Variants in TTC28 observed in about 807,000 individuals in gnomAD.
TTC28 encodes tetratricopeptide repeat protein 28.
Under a neutral mutation model 198.0 loss-of-function variants are expected in TTC28, and 61 were observed. That is an observed-to-expected ratio of 0.31 (90% CI 0.25 to 0.38). The LOEUF is 0.38. Ranked by LOEUF, TTC28 falls within the 10% of genes least tolerant of loss-of-function variation. TTC28 has a pLI of 1.00. For synonymous variants in TTC28, 1,171 were observed against 1,297.8 expected (o/e 0.90, Z 2.10); for missense variants, 2,678 against 3,164.0 (o/e 0.85, Z 3.69).
At position 28,014,053 on chromosome 22, in the gene TTC28, C is replaced by A. The variant is rs145506023; in HGVS notation, c.4218+195G>T. Among the ~76,000 whole-genome samples, 896 of 152,302 alleles carry A rather than the reference C, an allele frequency of 5.9e-3. 3 individuals are homozygous for A. The highest frequency in any genetic ancestry group is 0.01 in the Middle Eastern group (3 of 294). On this transcript the variant is annotated intron_variant, in intron 14 of 22. Coordinates refer to ENST00000397906, the MANE Select transcript of TTC28 (RefSeq NM_001145418.2). Reference sequence around the variant, plus strand: ...GCTCAAGGCCTCATCCACTACCAACCAACCAACCAAGTCTGTGCTCCACCT... The same window carrying A: ...GCTCAAGGCCTCATCCACTACCAACAAACCAACCAAGTCTGTGCTCCACCT...
chr22:28,163,656 A>C, intron 5 of TTC28, 57 bp from the exon 6 acceptor site: 1 of 1,457,366 alleles, frequency 6.9e-7, no homozygotes, highest in Non-Finnish European at 9.0e-7. Context: ...GTTTTGGTAT[A>C]TTTTGGCAGA....
At chr22:28,018,428 T>C (rs1211134874) in intron 13 of TTC28, among the ~76,000 whole-genome samples, 1 of 152,204 alleles carries the variant, frequency 6.6e-6, no homozygotes, top group East Asian at 1.9e-4. Context: ...CAACCGTGAT[T>C]TGAGGTCAAA....
intron 5 of TTC28, among the ~76,000 whole-genome samples, chr22:28,242,585 C>G (rs969139928): frequency 1.3e-5 from 2 of 152,114 alleles, no homozygotes; most frequent in African/African-American, 2.4e-5. Flanking sequence ...TTACAGAACT[C>G]TAAGCCTTGA....
chr22:28,327,335 A>C (rs1377571267), intron 2 of TTC28, among the ~76,000 whole-genome samples: 2 of 152,138 alleles, frequency 1.3e-5, no homozygotes, highest in Non-Finnish European at 2.9e-5. Context: ...AATGACCCCC[A>C]AGTATAGTAC....
intron 12 of TTC28, among the ~76,000 whole-genome samples, chr22:28,086,337 C>T (rs1323235070): frequency 6.6e-6 from 1 of 152,132 alleles, no homozygotes; most frequent in East Asian, 1.9e-4. Flanking sequence ...TGCAATCAAA[C>T]TAGAACTCAG....
At chr22:28,066,440 TC>T (rs1569117256) in intron 12 of TTC28, among the ~76,000 whole-genome samples, 2 of 152,138 alleles carry the variant, frequency 1.3e-5, no homozygotes, top group African/African-American at 4.8e-5. Flanking sequence ...GACTCACTCA[TC>T]CTACATAACT....
intron 1 of TTC28, among the ~76,000 whole-genome samples, chr22:28,674,638 G>A (rs1189633222): frequency 6.6e-6 from 1 of 151,712 alleles, no homozygotes; most frequent in Non-Finnish European, 1.5e-5. Flanking sequence ...TGGCCAACAC[G>A]GTGAAACCAT....
intron 2 of TTC28, among the ~76,000 whole-genome samples, chr22:28,478,511 A>G (rs2048197639): frequency 6.6e-6 from 1 of 152,152 alleles, no homozygotes; most frequent in Non-Finnish European, 1.5e-5. Flanking sequence ...TCTGTCTCAA[A>G]ATCAAATCAA....
intron 2 of TTC28, among the ~76,000 whole-genome samples, chr22:28,340,033 C>T (rs1312791118): frequency 6.6e-6 from 1 of 152,074 alleles, no homozygotes; most frequent in Non-Finnish European, 1.5e-5. Context: ...ATGTTGGCTC[C>T]CTAAATCACT....
chr22:28,002,311 T>G (rs1259234553), intron 14 of TTC28: 3 of 152,354 alleles, frequency 2.0e-5, no homozygotes, highest in Non-Finnish European at 4.4e-5. Flanking sequence ...AGAGGTGGCG[T>G]GGAAGCTGCT....
chr22:28,483,969 G>T (rs2048284918), intron 2 of TTC28, among the ~76,000 whole-genome samples: 1 of 152,172 alleles, frequency 6.6e-6, no homozygotes, highest in African/African-American at 2.4e-5. Context: ...AGGTAAGAGG[G>T]TTGCATTTTT....
At chr22:28,606,038 A>T (rs558293910) in intron 2 of TTC28, among the ~76,000 whole-genome samples, 2 of 152,178 alleles carry the variant, frequency 1.3e-5, no homozygotes, top group African/African-American at 4.8e-5. Flanking sequence ...GTATACATAG[A>T]TCAAAACATC....
intron 2 of TTC28, among the ~76,000 whole-genome samples, chr22:28,496,388 T>C (rs2048455948): frequency 6.6e-6 from 1 of 152,148 alleles, no homozygotes; most frequent in African/African-American, 2.4e-5. Context: ...TCTGCTCCCC[T>C]GGCAGTCTTT....
At chr22:28,146,075 T>A (rs1380494906) in intron 6 of TTC28, among the ~76,000 whole-genome samples, 1 of 152,182 alleles carries the variant, frequency 6.6e-6, no homozygotes, top group Non-Finnish European at 1.5e-5. Flanking sequence ...GGATTCTATA[T>A]CCCAGTGGTG....
At chr22:28,318,232 C>T (rs1271973145) in intron 2 of TTC28, among the ~76,000 whole-genome samples, 5 of 152,210 alleles carry the variant, frequency 3.3e-5, no homozygotes, top group Non-Finnish European at 7.4e-5. Flanking sequence ...TCATCATCCC[C>T]ATTACTGCTG....
At chr22:28,414,463 G>A (rs970291489) in intron 2 of TTC28, among the ~76,000 whole-genome samples, 4 of 152,198 alleles carry the variant, frequency 2.6e-5, no homozygotes, top group Admixed American at 2.6e-4. Flanking sequence ...CAACTGAGAA[G>A]TCAGTTCTGA....
intron 6 of TTC28, among the ~76,000 whole-genome samples, chr22:28,146,218 C>T (rs1943466278): frequency 1.3e-5 from 2 of 152,184 alleles, no homozygotes; most frequent in Non-Finnish European, 1.5e-5. Flanking sequence ...GAAATCAGCA[C>T]TGAAATCCAG....
chr22:28,673,216 T>C (rs1268494161), intron 1 of TTC28, among the ~76,000 whole-genome samples: 1 of 152,036 alleles, frequency 6.6e-6, no homozygotes, highest in African/African-American at 2.4e-5. Context: ...CTACTAAAAA[T>C]ACAAAAATTT....
chr22:28,073,415 G>C (rs1941061018), intron 12 of TTC28, among the ~76,000 whole-genome samples: 1 of 152,104 alleles, frequency 6.6e-6, no homozygotes, highest in South Asian at 2.1e-4. Context: ...CATAGTTTTG[G>C]AGCAAAAGGA....
Sources: allele counts gnomAD v4.1 joint callset (sites outside exome capture counted in the v4.1 genomes callset), GRCh38; gene constraint gnomAD v4.1.1; transcripts MANE v1.5; gene names NCBI Gene and HGNC (gene_info 2026-07-23, HGNC 2026-07-21).